NKAIN2: variants seen among roughly 807,000 people sequenced by gnomAD.
NKAIN2 encodes sodium/potassium transporting ATPase interacting 2, also known as sodium/potassium-transporting ATPase subunit beta-1-interacting protein 2.
A neutral mutation model predicts 32.6 loss-of-function variants in NKAIN2; 14 were observed. That is an observed-to-expected ratio of 0.43 (90% CI 0.28 to 0.67). The LOEUF (loss-of-function observed/expected upper bound fraction) is 0.67, where lower values mean the gene tolerates loss of function less well. Ranked by LOEUF, NKAIN2 falls within the 30% of genes least tolerant of loss-of-function variation. The pLI is 0.17. For synonymous variants in NKAIN2, 80 were observed against 87.2 expected (o/e 0.92, Z 0.46); for missense variants, 198 against 258.3 (o/e 0.77, Z 1.60).
intron 1 of NKAIN2, among the ~76,000 whole-genome samples, chr6:124,096,166 C>T (rs1280534053): frequency 1.3e-5 from 2 of 152,164 alleles, no homozygotes; most frequent in Non-Finnish European, 2.9e-5. Context: ...ACTATTATAA[C>T]TACAAGATTT....
intron 1 of NKAIN2, among the ~76,000 whole-genome samples, chr6:124,153,077 T>C (rs543430794): frequency 1.8e-4 from 28 of 151,984 alleles, no homozygotes; most frequent in Middle Eastern, 3.4e-3. Flanking sequence ...TAAGTACTAG[T>C]ATTCAACAGT....
At chr6:124,158,622 A>G (rs1447568022) in intron 1 of NKAIN2, among the ~76,000 whole-genome samples, 1 of 152,150 alleles carries the variant, frequency 6.6e-6, no homozygotes, top group African/African-American at 2.4e-5. Context: ...TCCCCTGCCT[A>G]TCCCAACACA....
At chr6:123,833,077 A>G (rs942596084) in intron 1 of NKAIN2, among the ~76,000 whole-genome samples, 2 of 152,126 alleles carry the variant, frequency 1.3e-5, no homozygotes, top group Non-Finnish European at 2.9e-5. Context: ...AGGAGCTTAT[A>G]GTTTTGTGTT....
At chr6:124,821,980 TAGAC>T (rs1246565372) in intron 6 of NKAIN2, among the ~76,000 whole-genome samples, 3 of 152,178 alleles carry the variant, frequency 2.0e-5, no homozygotes, top group Admixed American at 6.5e-5. Context: ...TCCAAATTCT[TAGAC>T]AGACTGTGAG....
chr6:124,709,607 A>G (rs915292321), intron 4 of NKAIN2, among the ~76,000 whole-genome samples: 3 of 148,728 alleles, frequency 2.0e-5, no homozygotes, highest in African/African-American at 7.5e-5. Context: ...TTTCTTCTAG[A>G]TTTTCTAGTT....
intron 3 of NKAIN2, among the ~76,000 whole-genome samples, chr6:124,530,616 A>G (rs1341658843): frequency 6.6e-6 from 1 of 152,192 alleles, no homozygotes; most frequent in African/African-American, 2.4e-5. Context: ...GAAATTGCTT[A>G]TTTGGTTATG....
chr6:124,701,224 ATTTCT>A (rs1031767907), intron 4 of NKAIN2, among the ~76,000 whole-genome samples: 18 of 151,442 alleles, frequency 1.2e-4, no homozygotes, highest in African/African-American at 4.4e-4. Flanking sequence ...TTGGAATTTC[ATTTCT>A]TTTTTTATAA....
At chr6:124,234,829 T>A (rs1792660986) in intron 1 of NKAIN2, among the ~76,000 whole-genome samples, 1 of 152,192 alleles carries the variant, frequency 6.6e-6, no homozygotes, top group African/African-American at 2.4e-5. Flanking sequence ...CTTTGTTGAT[T>A]AAATGAATAG....
chr6:124,241,642 A>G (rs575221700), intron 1 of NKAIN2, among the ~76,000 whole-genome samples: 65 of 152,272 alleles, frequency 4.3e-4, no homozygotes, highest in African/African-American at 1.5e-3. Context: ...AGCAACGGGA[A>G]AGGATTCCCT....
chr6:123,947,281 A>C (rs372626018), intron 1 of NKAIN2, among the ~76,000 whole-genome samples: 5 of 152,240 alleles, frequency 3.3e-5, no homozygotes, highest in Non-Finnish European at 5.9e-5. Context: ...AGATCTGACT[A>C]TGAACTCATA....
At chr6:124,669,235 G>GTT (rs1772972877) in intron 4 of NKAIN2, among the ~76,000 whole-genome samples, 2 of 152,058 alleles carry the variant, frequency 1.3e-5, no homozygotes, top group Non-Finnish European at 2.9e-5. Flanking sequence ...CAACTGCTTA[G>GTT]AGTTAGAAAC....
chr6:124,273,227 C>A (rs1794879755), intron 1 of NKAIN2, among the ~76,000 whole-genome samples: 2 of 152,134 alleles, frequency 1.3e-5, no homozygotes, highest in Non-Finnish European at 2.9e-5. Flanking sequence ...ATTGTAATCT[C>A]CATGTGTGGA....
At chr6:124,244,099 T>C (rs1793260706) in intron 1 of NKAIN2, among the ~76,000 whole-genome samples, 1 of 152,024 alleles carries the variant, frequency 6.6e-6, no homozygotes, top group South Asian at 2.1e-4. Flanking sequence ...AGTTCTTTTT[T>C]TTTATTATAC....
At chr6:124,013,390 A>G (rs1365834560) in intron 1 of NKAIN2, among the ~76,000 whole-genome samples, 1 of 152,148 alleles carries the variant, frequency 6.6e-6, no homozygotes, top group Non-Finnish European at 1.5e-5. Flanking sequence ...AAAGTCACAA[A>G]GGTTTATACT....
At chr6:123,970,199 G>T (rs989430403) in intron 1 of NKAIN2, among the ~76,000 whole-genome samples, 5 of 152,098 alleles carry the variant, frequency 3.3e-5, no homozygotes, top group Non-Finnish European at 7.3e-5. Flanking sequence ...CTTTGTGGAA[G>T]AAGAGGGTAA....
At chr6:124,026,735 T>A (rs1318740747) in intron 1 of NKAIN2, among the ~76,000 whole-genome samples, 2 of 152,142 alleles carry the variant, frequency 1.3e-5, no homozygotes, top group African/African-American at 4.8e-5. Flanking sequence ...TGGATATCAT[T>A]TTTCTCTATG....
chr6:124,510,520 G>T (rs1778669877), intron 3 of NKAIN2, among the ~76,000 whole-genome samples: 1 of 152,152 alleles, frequency 6.6e-6, no homozygotes. Flanking sequence ...GTTGGAATCT[G>T]CATGCCATCT....
chr6:124,173,212 G>A (rs1788982247), intron 1 of NKAIN2, among the ~76,000 whole-genome samples: 1 of 151,944 alleles, frequency 6.6e-6, no homozygotes, highest in Admixed American at 6.6e-5. Flanking sequence ...AATCTCTCTT[G>A]CTCTTATAAA....
chr6:124,445,501 A>T (rs1007612871), intron 3 of NKAIN2, among the ~76,000 whole-genome samples: 4 of 152,110 alleles, frequency 2.6e-5, no homozygotes, highest in East Asian at 1.9e-4. Context: ...AGACAAAAAA[A>T]ATTCAAAATA....
Sources: gnomAD v4.1 joint callset for allele counts (sites outside exome capture counted in the v4.1 genomes callset) on GRCh38, gnomAD v4.1.1 for gene constraint, MANE v1.5 for transcripts, NCBI Gene and HGNC (gene_info 2026-07-23, HGNC 2026-07-21) for gene names.